CNTNAP2: variants seen among roughly 807,000 people sequenced by gnomAD.
CNTNAP2 encodes contactin-associated protein-like 2.
CNTNAP2 carries 98 observed loss-of-function variants against 155.2 expected under a neutral mutation model. That is an observed-to-expected ratio of 0.63 (90% CI 0.54 to 0.75). CNTNAP2 has a LOEUF of 0.75. Ranked by LOEUF, CNTNAP2 falls within the 30% of genes least tolerant of loss-of-function variation. The probability of loss-of-function intolerance (pLI) is 0.00; values close to 1 mark genes in which losing one functional copy is unlikely to be tolerated. For synonymous variants in CNTNAP2, 651 were observed against 631.2 expected (o/e 1.03, Z -0.47); for missense variants, 1,727 against 1,688.1 (o/e 1.02, Z -0.40).
At chr7:147,529,025 C>T (rs1799382349) in intron 11 of CNTNAP2, among the ~76,000 whole-genome samples, 1 of 152,076 alleles carries the variant, frequency 6.6e-6, no homozygotes, top group Admixed American at 6.6e-5. Flanking sequence ...AAAAGTTATG[C>T]TAATCATAAA....
intron 10 of CNTNAP2, among the ~76,000 whole-genome samples, chr7:147,396,908 A>C (rs1332604246): frequency 2.0e-5 from 3 of 152,060 alleles, no homozygotes; most frequent in Non-Finnish European, 4.4e-5. Flanking sequence ...CCACAACAAA[A>C]TGTAGACCAT....
chr7:146,952,495 T>C (rs899462028), intron 3 of CNTNAP2, among the ~76,000 whole-genome samples: 8 of 152,140 alleles, frequency 5.3e-5, no homozygotes, highest in African/African-American at 1.9e-4. Context: ...ATTGTCTCTG[T>C]TTGCAGATAA....
chr7:146,802,280 C>T (rs915293774), intron 2 of CNTNAP2, among the ~76,000 whole-genome samples: 2 of 152,140 alleles, frequency 1.3e-5, no homozygotes, highest in African/African-American at 4.8e-5. Flanking sequence ...CAGTTTCTTG[C>T]AGCTGTAGAA....
At chr7:148,355,205 G>A (rs1349810572) in intron 21 of CNTNAP2, among the ~76,000 whole-genome samples, 4 of 30,434 alleles carry the variant, frequency 1.3e-4, no homozygotes, top group Admixed American at 6.5e-4. Context: ...TTTTTGAGAC[G>A]GAGTCTTGCT....
intron 11 of CNTNAP2, among the ~76,000 whole-genome samples, chr7:147,530,155 G>A (rs1402308752): frequency 4.0e-5 from 6 of 150,956 alleles, no homozygotes; most frequent in Admixed American, 1.3e-4. Context: ...GTGTGAGGAG[G>A]CCTCAGAATC....
At chr7:147,587,902 A>G (rs1800661629) in intron 12 of CNTNAP2, among the ~76,000 whole-genome samples, 1 of 152,152 alleles carries the variant, frequency 6.6e-6, no homozygotes. Flanking sequence ...AGAAGCCAGA[A>G]GTCTTGAGCT....
intron 10 of CNTNAP2, among the ~76,000 whole-genome samples, chr7:147,482,411 G>A (rs1011999241): frequency 1.3e-5 from 2 of 152,018 alleles, no homozygotes; most frequent in Non-Finnish European, 2.9e-5. Context: ...ATCACAGGGA[G>A]AATGTCAATT....
intron 21 of CNTNAP2, among the ~76,000 whole-genome samples, chr7:148,329,100 G>A (rs189888248): frequency 2.6e-5 from 4 of 151,760 alleles, no homozygotes; most frequent in African/African-American, 4.8e-5. Flanking sequence ...TGTCTGCAAC[G>A]GACTCTGACC....
intron 1 of CNTNAP2, among the ~76,000 whole-genome samples, chr7:146,439,905 C>A (rs543685685): frequency 1.6e-4 from 24 of 151,712 alleles, no homozygotes; most frequent in Non-Finnish European, 2.9e-4. Flanking sequence ...CAGTGGATCA[C>A]CTGAGGTCAG....
intron 21 of CNTNAP2, among the ~76,000 whole-genome samples, chr7:148,375,104 A>G (rs977637726): frequency 6.6e-6 from 1 of 152,150 alleles, no homozygotes; most frequent in African/African-American, 2.4e-5. Context: ...AAATCCACAT[A>G]TCAGATGTGT....
At chr7:146,258,615 G>C (rs1056944561) in intron 1 of CNTNAP2, among the ~76,000 whole-genome samples, 7 of 152,124 alleles carry the variant, frequency 4.6e-5, no homozygotes, top group Non-Finnish European at 8.8e-5. Flanking sequence ...AAGTTTACTT[G>C]TTACCATATA....
intron 4 of CNTNAP2, 49 bp downstream of exon 4, chr7:147,044,103 A>T: frequency 6.2e-7 from 1 of 1,603,888 alleles, no homozygotes; most frequent in South Asian, 1.1e-5. Context: ...CTTTATTTAA[A>T]TAGTAAGCTG....
intron 15 of CNTNAP2, among the ~76,000 whole-genome samples, chr7:148,067,612 G>A (rs1214494745): frequency 6.6e-6 from 1 of 152,236 alleles, no homozygotes; most frequent in African/African-American, 2.4e-5. Context: ...CCAGCCAAGA[G>A]GTGGCACTTT....
intron 1 of CNTNAP2, among the ~76,000 whole-genome samples, chr7:146,342,858 C>A (rs1794752914): frequency 6.6e-6 from 1 of 152,176 alleles, no homozygotes; most frequent in Non-Finnish European, 1.5e-5. Context: ...TATTATTCTT[C>A]ATTTGCAAAA....
At chr7:147,785,249 A>G (rs754312388) in intron 13 of CNTNAP2, among the ~76,000 whole-genome samples, 14 of 152,144 alleles carry the variant, frequency 9.2e-5, no homozygotes, top group Admixed American at 2.0e-4. Flanking sequence ...AATCTTTAAG[A>G]CACTTCAACA....
In CNTNAP2 at chr7:146,396,550, T is replaced by C. The variant is rs962702274; in HGVS notation, c.97+279577T>C. Among the ~76,000 whole-genome samples, 12 of 151,196 alleles carry C rather than the reference T, an allele frequency of 7.9e-5. No individual in the cohort carries two copies. The East Asian group carries it at 1.7e-3, about 22-fold the overall frequency. On this transcript the variant is annotated intron_variant, in intron 1 of 23. Coordinates refer to ENST00000361727, the MANE Select transcript of CNTNAP2 (RefSeq NM_014141.6). ...ATTAAAAAATGAACATTTTTTTCTGTGTCAACAATGAAGTCAGTTAAAATG... is the reference window on the plus strand; with the variant it reads ...ATTAAAAAATGAACATTTTTTTCTGCGTCAACAATGAAGTCAGTTAAAATG...
In CNTNAP2 at chr7:147,543,380, A is replaced by G. The variant is rs145828109; in HGVS notation, c.1778-18758A>G. 5.0e-3 allele frequency among the ~76,000 whole-genome samples: 763 copies of G among 152,330 alleles called. 7 individuals carry two copies. The highest frequency in any genetic ancestry group is 0.017 in the African/African-American group (687 of 41,566). On this transcript the variant is annotated intron_variant, in intron 11 of 23. Coordinates refer to ENST00000361727, the MANE Select transcript of CNTNAP2 (RefSeq NM_014141.6). ...CCCACAACCTTCCAGCATGGGTGTT[A>G]GGGCCATTATGAACATGTTACAGTG...
At chr7:148,284,578 A>G (rs1020703242) in intron 21 of CNTNAP2, among the ~76,000 whole-genome samples, 27 of 150,794 alleles carry the variant, frequency 1.8e-4, no homozygotes, top group African/African-American at 6.6e-4. Flanking sequence ...AAGTCCAACT[A>G]AGGCTACCCA....
intron 1 of CNTNAP2, among the ~76,000 whole-genome samples, chr7:146,171,634 A>G (rs1030484592): frequency 1.3e-5 from 2 of 152,010 alleles, no homozygotes; most frequent in African/African-American, 4.8e-5. Context: ...TTCGTTTTTC[A>G]TCATGCATCA....
Sources: gnomAD v4.1 joint callset for allele counts (sites outside exome capture counted in the v4.1 genomes callset) on GRCh38, gnomAD v4.1.1 for gene constraint, MANE v1.5 for transcripts, NCBI Gene and HGNC (gene_info 2026-07-23, HGNC 2026-07-21) for gene names.